The following PRKCB variants were observed in gnomAD, a reference collection of about 807,000 sequenced individuals.
PRKCB encodes the protein protein kinase C beta type.
In PRKCB, 13 loss-of-function variants were observed where a neutral mutation model predicts 81.5. The observed-to-expected ratio is 0.16, with a 90% CI of 0.10 to 0.25. The LOEUF is 0.25. PRKCB is among the 10% of genes least tolerant of loss of function. The pLI is 1.00. For missense variants in PRKCB, 509 were observed against 875.7 expected (o/e 0.58, Z 5.29); for synonymous variants, 335 against 321.4 (o/e 1.04, Z -0.45).
chr16:23,846,485 T>A (rs900369144), intron 2 of PRKCB, among the ~76,000 whole-genome samples: 1 of 151,430 alleles, frequency 6.6e-6, no homozygotes, highest in Non-Finnish European at 1.5e-5. Flanking sequence ...TGGCATGTGC[T>A]TGTAGTCCCA....
In PRKCB at chr16:24,154,703, A is replaced by G. The variant is rs758085883; in HGVS notation, c.1085A>G (p.Lys362Arg). The change falls in exon 10 of 17, where the codon AAA becomes AGA. Residue 362 changes from lysine (K) to arginine (R), a missense_variant. Coordinates refer to ENST00000643927, the MANE Select transcript of PRKCB (RefSeq NM_002738.7). Reference sequence around the variant, plus strand: ...TCCCAGGTCATGCTTTCAGAACGAAAAGGCACAGATGAGCTCTATGCTGTG... The same window carrying G: ...TCCCAGGTCATGCTTTCAGAACGAAGAGGCACAGATGAGCTCTATGCTGTG... ...SFGKVMLSER[K>R]GTDELYAVKI... 6.2e-7 allele frequency: 1 copy of G among 1,614,096 alleles called. No individual in the cohort carries two copies. The highest frequency in any genetic ancestry group is 1.1e-5 in the South Asian group (1 of 91,068).
intron 5 of PRKCB, among the ~76,000 whole-genome samples, chr16:24,037,009 G>T (rs1330703654): frequency 3.9e-5 from 6 of 152,144 alleles, no homozygotes; most frequent in Admixed American, 6.5e-5. Flanking sequence ...TCTTGTTTGA[G>T]AGGGAGACTC....
At position 24,219,458 on chromosome 16, in the gene PRKCB, A is replaced by G. The variant is rs555032800; in HGVS notation, c.*4642A>G. 1.3e-4 allele frequency: 128 copies of G among 986,600 alleles called. No individual in the cohort carries two copies. The highest frequency in any genetic ancestry group is 4.2e-4 in the African/African-American group (24 of 57,316). 61.1% of individuals were successfully genotyped at this position (986,600 alleles called of 1,614,324 possible). On this transcript the variant is annotated 3_prime_UTR_variant, in exon 17 of 17. Transcript: ENST00000643927. ...TTAAGCAGTGATCTGATTTCTCCACATGGCCATTCTGCCTTCTTGGGGGCA... is the reference window on the plus strand; with the variant it reads ...TTAAGCAGTGATCTGATTTCTCCACGTGGCCATTCTGCCTTCTTGGGGGCA...
intron 2 of PRKCB, among the ~76,000 whole-genome samples, chr16:23,880,106 C>T (rs1010778845): frequency 4.6e-5 from 7 of 152,138 alleles, no homozygotes; most frequent in Admixed American, 6.6e-5. Context: ...CTGGGGGAAT[C>T]GAATCCCCAC....
chr16:24,024,311 G>T (rs1965447959), intron 3 of PRKCB, among the ~76,000 whole-genome samples: 1 of 152,202 alleles, frequency 6.6e-6, no homozygotes, highest in East Asian at 1.9e-4. Context: ...AGAAGCTGGG[G>T]GACAGCAGGA....
chr16:24,036,049 A>AG (rs754771457), intron 5 of PRKCB, among the ~76,000 whole-genome samples: 18 of 152,182 alleles, frequency 1.2e-4, no homozygotes, highest in Non-Finnish European at 2.1e-4. Context: ...GGTGCAATTC[A>AG]GGGGCTTTCC....
chr16:24,208,909 T>C (rs1400142478), intron 16 of PRKCB, among the ~76,000 whole-genome samples: 1 of 152,172 alleles, frequency 6.6e-6, no homozygotes, highest in Non-Finnish European at 1.5e-5. Context: ...GAAATCACGC[T>C]CCCTCTGTAT....
intron 2 of PRKCB, among the ~76,000 whole-genome samples, chr16:23,845,941 C>T (rs538951826): frequency 5.3e-5 from 8 of 152,310 alleles, no homozygotes; most frequent in South Asian, 2.1e-4. Flanking sequence ...AGAGAGAGCA[C>T]GGCATTTCAG....
At chr16:23,993,143 G>A (rs1439612785) in intron 3 of PRKCB, among the ~76,000 whole-genome samples, 2 of 152,144 alleles carry the variant, frequency 1.3e-5, no homozygotes, top group Non-Finnish European at 2.9e-5. Flanking sequence ...GACCCACGGG[G>A]AGGTATGCTA....
chr16:24,151,791 G>A, intron 9 of PRKCB: 1 of 455,984 alleles, frequency 2.2e-6, no homozygotes, highest in South Asian at 1.5e-5. Context: ...TGCATTTTCA[G>A]AACAGTCATT....
chr16:23,937,083 A>C (rs1490402244), intron 2 of PRKCB, among the ~76,000 whole-genome samples: 1 of 152,128 alleles, frequency 6.6e-6, no homozygotes, highest in Non-Finnish European at 1.5e-5. Flanking sequence ...TAGTTGAAAA[A>C]TGTACATCTA....
intron 5 of PRKCB, among the ~76,000 whole-genome samples, chr16:24,056,794 G>T (rs1444341183): frequency 1.3e-5 from 2 of 152,208 alleles, no homozygotes; most frequent in Non-Finnish European, 2.9e-5. Flanking sequence ...CCAGCACCAT[G>T]CTTCCTGGAC....
intron 7 of PRKCB, among the ~76,000 whole-genome samples, chr16:24,100,662 C>T (rs1288197117): frequency 1.3e-5 from 2 of 152,152 alleles, no homozygotes; most frequent in Non-Finnish European, 2.9e-5. Flanking sequence ...TTCTCCAAGC[C>T]CCAAAGGGAG....
chr16:23,938,850 G>T (rs1042641967), intron 2 of PRKCB, among the ~76,000 whole-genome samples: 1 of 152,120 alleles, frequency 6.6e-6, no homozygotes, highest in Non-Finnish European at 1.5e-5. Context: ...GTATGTTCCT[G>T]TTGGTCCTTA....
chr16:23,876,724 TTG>T (rs1963019594), intron 2 of PRKCB, among the ~76,000 whole-genome samples: 4 of 58,190 alleles, frequency 6.9e-5, no homozygotes, highest in Non-Finnish European at 1.4e-4. Context: ...GCCAGAAGAG[TTG>T]AACTAATTTA....
intron 3 of PRKCB, among the ~76,000 whole-genome samples, chr16:24,015,626 A>T (rs1233698884): frequency 1.3e-5 from 2 of 152,216 alleles, no homozygotes; most frequent in African/African-American, 2.4e-5. Flanking sequence ...TAATTCCTTA[A>T]GATTTCAGCT....
chr16:24,105,545 C>G (rs954836935), intron 7 of PRKCB, among the ~76,000 whole-genome samples: 4 of 152,144 alleles, frequency 2.6e-5, no homozygotes, highest in African/African-American at 4.8e-5. Context: ...CCCTCACCCC[C>G]TAACAGGCCC....
chr16:24,151,581 T>A (rs1371840659), intron 9 of PRKCB: 3 of 330,978 alleles, frequency 9.1e-6, no homozygotes, highest in Non-Finnish European at 1.2e-5. Flanking sequence ...TTGGTCTGAA[T>A]GGAACCTCCA....
rs139951083 is a variant in PRKCB at position 24,113,939 on chromosome 16, G to A, written c.918+870G>A. Among the ~76,000 whole-genome samples the A allele has an allele frequency of 2.5e-3, 374 of 152,004 alleles. 1 individual carries two copies. Among genetic ancestry groups the A allele is most frequent in the African/African-American group, 8.4e-3 (349 of 41,508 alleles). ...GAATGAAAGAAGTAGACAGAGGGCC[G>A]GGTGCGGTGGCTCACACCTGTAATT... On this transcript the variant is annotated intron_variant, in intron 8 of 16. Transcript: ENST00000643927.
Sources: gnomAD v4.1 joint callset for allele counts (sites outside exome capture counted in the v4.1 genomes callset) on GRCh38, gnomAD v4.1.1 for gene constraint, MANE v1.5 for transcripts, NCBI Gene and HGNC (gene_info 2026-07-23, HGNC 2026-07-21) for gene names.